The following PTK2 variants were observed in gnomAD, a reference collection of about 807,000 sequenced individuals.
PTK2 encodes focal adhesion kinase 1.
Under a neutral mutation model 150.1 loss-of-function variants are expected in PTK2, and 45 were observed. That is an observed-to-expected ratio of 0.30 (90% CI 0.24 to 0.38). The LOEUF is 0.38. Among genes scored for constraint, PTK2 ranks in the 10% least tolerant of loss-of-function variants. The probability of loss-of-function intolerance (pLI) is 1.00; values close to 1 mark genes in which losing one functional copy is unlikely to be tolerated. For synonymous variants in PTK2, 432 were observed against 449.2 expected (o/e 0.96, Z 0.48); for missense variants, 919 against 1,307.3 (o/e 0.70, Z 4.58).
chr8:140,969,150 C>A (rs1328083000), intron 1 of PTK2, among the ~76,000 whole-genome samples: 2 of 152,150 alleles, frequency 1.3e-5, no homozygotes, highest in African/African-American at 4.8e-5. Flanking sequence ...GAATAGAATT[C>A]AAACCACCAC....
chr8:140,832,923 A>G, intron 7 of PTK2: 1 of 519,034 alleles, frequency 1.9e-6, no homozygotes, highest in Non-Finnish European at 3.8e-6. Flanking sequence ...GGGAAAGACC[A>G]GGGCAGGGAA....
chr8:140,753,828 A>G (rs2100064132), intron 16 of PTK2, among the ~76,000 whole-genome samples: 1 of 152,196 alleles, frequency 6.6e-6, no homozygotes, highest in South Asian at 2.1e-4. Context: ...TTGTCAAAAA[A>G]TCCCCATTAG....
chr8:140,759,134 C>A (rs2100067690), intron 16 of PTK2, among the ~76,000 whole-genome samples: 1 of 152,080 alleles, frequency 6.6e-6, no homozygotes. Flanking sequence ...AGAAAGTATC[C>A]CCATCTTTAC....
chr8:140,931,070 C>CAAA (rs34438579), intron 1 of PTK2, among the ~76,000 whole-genome samples: 2 of 111,722 alleles, frequency 1.8e-5, no homozygotes, highest in East Asian at 2.3e-4. Context: ...GACTCTGTCT[C>CAAA]AAAAAAAAAA....
chr8:140,869,284 T>C (rs2100141174), intron 4 of PTK2, among the ~76,000 whole-genome samples: 1 of 152,334 alleles, frequency 6.6e-6, no homozygotes, highest in Admixed American at 6.5e-5. Context: ...GCTTCTTCTT[T>C]AATTTAGCCA....
At chr8:140,871,610 G>C (rs1369970503) in intron 4 of PTK2, among the ~76,000 whole-genome samples, 1 of 152,216 alleles carries the variant, frequency 6.6e-6, no homozygotes, top group African/African-American at 2.4e-5. Flanking sequence ...ATCAGCCTGG[G>C]TAACATATCA....
In PTK2 at chr8:140,670,488, A is replaced by AACACACACACACAC. The variant is rs57247522; in HGVS notation, c.2710-2078_2710-2065dup. On this transcript the variant is annotated intron_variant, in intron 29 of 31. Coordinates refer to ENST00000522684, the Ensembl canonical transcript of PTK2. Reference sequence around the variant, plus strand: ...AAAAAAAAAAAAAAAAAAAAACAACAACACACACACACACACACACACACA... The same window carrying AACACACACACACAC: ...AAAAAAAAAAAAAAAAAAAAACAACAACACACACACACACACACACACACACACACACACACACA... Among the ~76,000 whole-genome samples the AACACACACACACAC allele has an allele frequency of 6.9e-4, 27 of 38,976 alleles. 2 individuals carry two copies. The highest frequency in any genetic ancestry group is 1.8e-3 in the African/African-American group (24 of 13,108). 25.6% of individuals were successfully genotyped at this position (38,976 alleles called of 152,430 possible).
intron 11 of PTK2, among the ~76,000 whole-genome samples, chr8:140,801,231 G>A (rs114389074): frequency 2.6e-5 from 4 of 152,302 alleles, no homozygotes; most frequent in South Asian, 2.1e-4. Flanking sequence ...AGAACTGGCC[G>A]TTAACAGACC....
At chr8:140,707,021 T>G (rs2100034205) in intron 23 of PTK2, among the ~76,000 whole-genome samples, 1 of 152,208 alleles carries the variant, frequency 6.6e-6, no homozygotes, top group South Asian at 2.1e-4. Flanking sequence ...TATTTGTAAT[T>G]AAAGGGAATA....
chr8:140,906,747 A>G (rs1430703765), intron 2 of PTK2, among the ~76,000 whole-genome samples: 2 of 152,206 alleles, frequency 1.3e-5, no homozygotes, highest in African/African-American at 2.4e-5. Flanking sequence ...ATTTGATAGT[A>G]CAGCAAGAAA....
At chr8:140,963,142 T>C (rs1295609721) in intron 1 of PTK2, among the ~76,000 whole-genome samples, 1 of 138,224 alleles carries the variant, frequency 7.2e-6, no homozygotes. Context: ...ATACAGCCTA[T>C]ATATGTTCTT....
intron 23 of PTK2, among the ~76,000 whole-genome samples, chr8:140,711,327 G>A (rs1255850521): frequency 6.6e-6 from 1 of 152,088 alleles, no homozygotes; most frequent in East Asian, 1.9e-4. Flanking sequence ...GGCTGGTCTC[G>A]AACTACTGGC....
intron 2 of PTK2, among the ~76,000 whole-genome samples, chr8:140,912,470 C>A (rs2100163585): frequency 6.6e-6 from 1 of 151,536 alleles, no homozygotes; most frequent in African/African-American, 2.4e-5. Flanking sequence ...CCTCATTTCT[C>A]AAAAAATAAA....
chr8:140,662,844 C>G (rs1257459663), intron 31 of PTK2: 2 of 456,354 alleles, frequency 4.4e-6, no homozygotes, highest in South Asian at 1.0e-4. Context: ...TATAGGATAT[C>G]CCTCAATCCA....
chr8:140,779,982 C>T (rs1472493732), intron 14 of PTK2, among the ~76,000 whole-genome samples: 1 of 152,086 alleles, frequency 6.6e-6, no homozygotes, highest in Non-Finnish European at 1.5e-5. Context: ...ATGTGAAAAA[C>T]ACACAAATTC....
intron 10 of PTK2, among the ~76,000 whole-genome samples, chr8:140,810,565 C>T (rs2100100896): frequency 1.3e-5 from 2 of 152,350 alleles, no homozygotes; most frequent in Middle Eastern, 3.4e-3. Flanking sequence ...CCACCCGCTC[C>T]TTCCTCACAC....
intron 31 of PTK2, chr8:140,663,038 G>A (rs1227805861): frequency 1.2e-5 from 4 of 336,008 alleles, no homozygotes; most frequent in African/African-American, 2.1e-5. Context: ...AGAGACAACC[G>A]ACGACCCTGG....
intron 1 of PTK2, among the ~76,000 whole-genome samples, chr8:140,946,606 C>A (rs1026215064): frequency 6.6e-6 from 1 of 152,134 alleles, no homozygotes; most frequent in Admixed American, 6.5e-5. Flanking sequence ...TGTGGTTTCC[C>A]GCATGAATAC....
chr8:140,953,198 C>G (rs1471366461), intron 1 of PTK2, among the ~76,000 whole-genome samples: 1 of 152,140 alleles, frequency 6.6e-6, no homozygotes, highest in Non-Finnish European at 1.5e-5. Context: ...CTAGTCCCCC[C>G]CAGTAGATGC....
Sources: gnomAD v4.1 joint callset for allele counts (sites outside exome capture counted in the v4.1 genomes callset) on GRCh38, gnomAD v4.1.1 for gene constraint, MANE v1.5 for transcripts, NCBI Gene and HGNC (gene_info 2026-07-23, HGNC 2026-07-21) for gene names.